Variants in PKD1L1 observed in about 807,000 individuals in gnomAD.
PKD1L1 encodes polycystin 1 like 1, transient receptor potential channel interacting.
PKD1L1 carries 236 observed loss-of-function variants against 323.4 expected under a neutral mutation model. The ratio of observed to expected loss-of-function variants is 0.73; its 90% CI spans 0.66 to 0.81. PKD1L1 has a LOEUF of 0.81. PKD1L1 is among the 40% of genes least tolerant of loss of function. The pLI is 0.00. For missense variants in PKD1L1, 3,320 were observed against 3,508.0 expected, an observed-to-expected ratio of 0.95 and a Z score of 1.35; for synonymous variants, 1,344 against 1,335.0, an observed-to-expected ratio of 1.01 and a Z score of -0.15.
intron 14 of PKD1L1, among the ~76,000 whole-genome samples, chr7:47,895,571 T>A: frequency 6.6e-6 from 1 of 152,300 alleles, no homozygotes; most frequent in Middle Eastern, 3.4e-3. Context: ...ATAGGAGTTA[T>A]GGATATCTAT....
intron 24 of PKD1L1, among the ~76,000 whole-genome samples, chr7:47,869,145 A>G (rs1786228471): frequency 6.6e-6 from 1 of 152,212 alleles, no homozygotes; most frequent in Admixed American, 6.5e-5. Context: ...AAGGAGTGAA[A>G]ATGATATACT....
intron 27 of PKD1L1, 45 bp downstream of exon 27, chr7:47,858,628 A>T: frequency 6.6e-7 from 1 of 1,505,166 alleles, no homozygotes. Flanking sequence ...ACATCCTGGG[A>T]TATGGAAACA....
At chr7:47,845,939 TA>T (rs1476130479) in intron 32 of PKD1L1, among the ~76,000 whole-genome samples, 1 of 152,206 alleles carries the variant, frequency 6.6e-6, no homozygotes, top group Non-Finnish European at 1.5e-5. Context: ...AGTAGTTACG[TA>T]ATGGAGAATG....
At chr7:47,889,348 A>T (rs1165192026) in intron 16 of PKD1L1, among the ~76,000 whole-genome samples, 1 of 151,752 alleles carries the variant, frequency 6.6e-6, no homozygotes, top group Non-Finnish European at 1.5e-5. Flanking sequence ...TTTGGAATAG[A>T]AGTATTTAGT....
chr7:47,869,340 C>G (rs2128744478), intron 24 of PKD1L1, among the ~76,000 whole-genome samples: 1 of 152,146 alleles, frequency 6.6e-6, no homozygotes, highest in African/African-American at 2.4e-5. Flanking sequence ...ATACACAAAA[C>G]CAAGATTCAA....
chr7:47,950,090 G>C (rs557484916), upstream of PKD1L1, among the ~76,000 whole-genome samples: 49 of 152,198 alleles, frequency 3.2e-4, no homozygotes, highest in Non-Finnish European at 5.7e-4. Flanking sequence ...CCAAGAAAAG[G>C]ATAAACTGCA....
At chr7:47,825,531 CAAA>C (rs113757054) in intron 45 of PKD1L1, among the ~76,000 whole-genome samples, 11 of 92,464 alleles carry the variant, frequency 1.2e-4, no homozygotes, top group Non-Finnish European at 1.2e-4. Flanking sequence ...AACTCTGTCT[CAAA>C]AAAAAAAAAA....
At chr7:47,880,282 ATATTTTT>A (rs1203960396) in intron 21 of PKD1L1, among the ~76,000 whole-genome samples, 2 of 69,742 alleles carry the variant, frequency 2.9e-5, no homozygotes, top group Non-Finnish European at 4.9e-5. Flanking sequence ...ATATATATAT[ATATTTTT>A]TTTTTTTTTT....
chr7:47,813,789 C>A (rs562741954), intron 48 of PKD1L1, 142 bp downstream of exon 48: 2 of 724,438 alleles, frequency 2.8e-6, no homozygotes, highest in East Asian at 2.7e-5. Flanking sequence ...CTCGCCCTCT[C>A]CCCAGCCCCG....
Position 47,943,457 on chromosome 7 carries a change from A to G in PKD1L1, c.99T>C (p.Thr33=). 1 of 1,613,578 alleles carries G rather than the reference A, an allele frequency of 6.2e-7. No homozygotes were observed. Among genetic ancestry groups the G allele is most frequent in the Non-Finnish European group, 8.5e-7 (1 of 1,179,656 alleles). Residue 33 remains threonine, a synonymous_variant, in exon 2 of 57, where the codon ACT becomes ACC. Coordinates refer to ENST00000289672, the MANE Select transcript of PKD1L1 (RefSeq NM_138295.5). The stretch of plus-strand genomic sequence containing the variant: ...ACAGATGAAGACCCCAGCTCTTGTC[A>G]GTGCTCACAGACAGCTCACCACCAA... The part of the protein sequence containing the change: ...LSFGGELSVS[T]DKSWGLHLCS...
At chr7:47,821,011 G>A (rs1785128249) in intron 46 of PKD1L1, 65 bp downstream of exon 46, 2 of 926,066 alleles carry the variant, frequency 2.2e-6, no homozygotes, top group South Asian at 1.5e-5. Context: ...ACATGGGGAA[G>A]GTGCACACAG....
intron 26 of PKD1L1, among the ~76,000 whole-genome samples, chr7:47,859,251 C>A (rs1785972631): frequency 6.6e-6 from 1 of 152,122 alleles, no homozygotes. Context: ...CTTTGCAAAT[C>A]CCTTCACAAA....
At position 47,873,989 on chromosome 7, in the gene PKD1L1, G is replaced by C. The variant is rs768566734; in HGVS notation, c.3806C>G (p.Thr1269Arg). The change falls in exon 24 of 57, where the codon ACA (threonine) becomes AGA (arginine). Residue 1269 changes from threonine to arginine, a missense_variant. Transcript: ENST00000289672. ...NYKVMVSTEITDGKGSKVQPC... is the reference protein window; with the variant it reads ...NYKVMVSTEIRDGKGSKVQPC... ...CTGGACCTTGGAGCCTTTGCCATCT[G>C]TGATTTCAGTGGAAACCATGACTGT... 3 of 1,612,128 alleles carry C rather than the reference G, an allele frequency of 1.9e-6. No individual in the cohort carries two copies. The highest frequency in any genetic ancestry group is 1.7e-6 in the Non-Finnish European group (2 of 1,178,450).
At chr7:47,776,941 G>C (rs1028796328) in intron 56 of PKD1L1, among the ~76,000 whole-genome samples, 6 of 152,146 alleles carry the variant, frequency 3.9e-5, no homozygotes, top group African/African-American at 1.4e-4. Context: ...ACACAGGCTG[G>C]AGTGTAGTGG....
At chr7:47,884,772 A>T in intron 18 of PKD1L1, 115 bp from the exon 19 acceptor site, 2 of 828,352 alleles carry the variant, frequency 2.4e-6, no homozygotes, top group South Asian at 3.0e-5. Flanking sequence ...GACTCCATAC[A>T]TTGCTCTGTG....
At chr7:47,960,515 TA>T in the PKD1L1 span, among the ~76,000 whole-genome samples, 1 of 150,622 alleles carries the variant, frequency 6.6e-6, no homozygotes, top group East Asian at 2.0e-4. Context: ...GAAATTAACG[TA>T]AAATCAAGAA....
At chr7:47,812,993 G>T in intron 49 of PKD1L1, 128 bp downstream of exon 49, 1 of 1,117,572 alleles carries the variant, frequency 8.9e-7, no homozygotes, top group Non-Finnish European at 1.3e-6. Context: ...GCCCCTGGCA[G>T]TGGTGCGCTG....
chr7:47,780,492 C>T (rs1004648840), intron 56 of PKD1L1, among the ~76,000 whole-genome samples: 3 of 152,042 alleles, frequency 2.0e-5, no homozygotes, highest in African/African-American at 4.8e-5. Flanking sequence ...ATTAGCCAGG[C>T]GTGGTGGTGT....
the PKD1L1 span, among the ~76,000 whole-genome samples, chr7:47,953,583 A>G: frequency 1.3e-5 from 2 of 152,248 alleles, no homozygotes; most frequent in African/African-American, 2.4e-5. Flanking sequence ...TCCAGTGTGA[A>G]GGGAGGCCCA....
Sources: allele counts gnomAD v4.1 joint callset (sites outside exome capture counted in the v4.1 genomes callset), GRCh38; gene constraint gnomAD v4.1.1; transcripts MANE v1.5; gene names NCBI Gene and HGNC (gene_info 2026-07-23, HGNC 2026-07-21).